TFB1M: variants seen among roughly 807,000 people sequenced by gnomAD.
TFB1M encodes dimethyladenosine transferase 1, mitochondrial.
A neutral mutation model predicts 31.1 loss-of-function variants in TFB1M; 27 were observed. That is an observed-to-expected ratio of 0.87 (90% CI 0.64 to 1.20). The LOEUF is 1.20. TFB1M is among the 50% of genes most tolerant of loss of function. The probability of loss-of-function intolerance (pLI) is 0.00; values close to 1 mark genes in which losing one functional copy is unlikely to be tolerated. For missense variants in TFB1M, 394 were observed against 418.7 expected (o/e 0.94, Z 0.51); for synonymous variants, 166 against 151.8 (o/e 1.09, Z -0.69).
the TFB1M span, among the ~76,000 whole-genome samples, chr6:155,245,402 G>T: frequency 1.1e-4 from 17 of 152,208 alleles, no homozygotes; most frequent in South Asian, 6.2e-4. Flanking sequence ...ATTGCACACT[G>T]TCAGTAGGCT....
chr6:155,252,752 T>C (rs2115358014), downstream of TFB1M, among the ~76,000 whole-genome samples: 1 of 152,374 alleles, frequency 6.6e-6, no homozygotes, highest in Non-Finnish European at 1.5e-5. Flanking sequence ...ACCACAACTC[T>C]GCCTCCGCAC....
At position 155,305,202 on chromosome 6, in the gene TFB1M, A is replaced by G. The variant is rs1448411818; in HGVS notation, c.285+5986T>C. Among the ~76,000 whole-genome samples the G allele has an allele frequency of 2.9e-5, 2 of 69,474 alleles. 1 individual carries two copies. The highest frequency in any genetic ancestry group is 1.3e-4 in the African/African-American group (2 of 15,650). The allele number at this position is 69,474 out of a possible 152,430, so 45.6% of individuals were successfully genotyped here. A position where few individuals can be genotyped will look rare whatever the true frequency, so the allele number is the denominator to read the frequency against. Reference sequence around the variant, plus strand: ...TATATATTAAATTATATATTTATATATATATTAAATTATATATTTATATAT... The same window carrying G: ...TATATATTAAATTATATATTTATATGTATATTAAATTATATATTTATATAT... On this transcript the variant is annotated intron_variant, in intron 2 of 6. Transcript: ENST00000367166.
chr6:155,232,486 A>G, the TFB1M span: 3 of 152,372 alleles, frequency 2.0e-5, no homozygotes, highest in East Asian at 5.8e-4. Context: ...CTTAAGGATA[A>G]CTGACCGTTT....
At chr6:155,273,437 T>C (rs1394732211) in intron 5 of TFB1M, among the ~76,000 whole-genome samples, 4 of 152,244 alleles carry the variant, frequency 2.6e-5, no homozygotes, top group Non-Finnish European at 5.9e-5. Flanking sequence ...GTTTATACTT[T>C]AAATATAGGC....
the TFB1M span, chr6:155,245,703 T>C: frequency 3.1e-5 from 50 of 1,611,864 alleles, 1 homozygote; most frequent in South Asian, 5.4e-4. Flanking sequence ...GTGCTAACCA[T>C]ATCAAAGTAC....
At chr6:155,232,238 T>C in the TFB1M span, among the ~76,000 whole-genome samples, 1 of 151,974 alleles carries the variant, frequency 6.6e-6, no homozygotes, top group East Asian at 1.9e-4. Flanking sequence ...CAGAGTGAGT[T>C]GAGAAAAAGT....
chr6:155,256,654 G>T lies in TFB1M; in HGVS notation c.*1182C>A. 6.2e-7 allele frequency: 1 copy of T among 1,614,106 alleles called. No homozygotes were observed. Among genetic ancestry groups the T allele is most frequent in the Non-Finnish European group, 8.5e-7 (1 of 1,180,020 alleles). ...GCAGGACTCCAAGAGCACTTCTCCC[G>T]GGAAATACCCACACCCCGGCTTGGC... On this transcript the variant is annotated 3_prime_UTR_variant, in exon 7 of 7. Coordinates refer to ENST00000367166, the MANE Select transcript of TFB1M (RefSeq NM_016020.4).
In TFB1M at chr6:155,257,273, G is replaced by GTTATT; in HGVS notation, c.*558_*562dup. 1 of 879,394 alleles carries GTTATT rather than the reference G, an allele frequency of 1.1e-6. No individual in the cohort carries two copies. The highest frequency in any genetic ancestry group is 1.8e-5 in the South Asian group (1 of 54,570). 54.5% of individuals were successfully genotyped at this position (879,394 alleles called of 1,614,324 possible). On this transcript the variant is annotated 3_prime_UTR_variant, in exon 7 of 7. Transcript: ENST00000367166. Reference sequence around the variant, plus strand: ...CCACAAAATGGTTGTAAAGATTTAAGTTATTTTAATTTATTGTGGATCAGA... The same window carrying GTTATT: ...CCACAAAATGGTTGTAAAGATTTAAGTTATTTTATTTTAATTTATTGTGGATCAGA...
At chr6:155,313,886 T>C (rs1370913266) in intron 1 of TFB1M, among the ~76,000 whole-genome samples, 1 of 152,164 alleles carries the variant, frequency 6.6e-6, no homozygotes, top group Non-Finnish European at 1.5e-5. Flanking sequence ...ATTGATAAAA[T>C]CCTCGCATCA....
chr6:155,303,647 A>T (rs371174823), intron 2 of TFB1M: 2 of 152,244 alleles, frequency 1.3e-5, no homozygotes, highest in East Asian at 3.8e-4. Context: ...ATTGTTAGAG[A>T]TTAAAGAATT....
At chr6:155,311,036 C>T in intron 2 of TFB1M, 152 bp downstream of exon 2, 1 of 823,866 alleles carries the variant, frequency 1.2e-6, no homozygotes, top group South Asian at 1.5e-5. Flanking sequence ...TTTCTCCAGA[C>T]TATGGAATCA....
intron 5 of TFB1M, among the ~76,000 whole-genome samples, chr6:155,268,598 C>T (rs1231885453): frequency 1.3e-5 from 2 of 152,164 alleles, no homozygotes; most frequent in East Asian, 1.9e-4. Context: ...CTAAGGGAAG[C>T]TAAAGTAATT....
chr6:155,314,153 A>G, intron 1 of TFB1M, 143 bp downstream of exon 1: 1 of 1,210,808 alleles, frequency 8.3e-7, no homozygotes, highest in Non-Finnish European at 1.2e-6. Context: ...CGGAGTTCTG[A>G]TACAAAGAGG....
In TFB1M at chr6:155,305,554, T is replaced by TA. The variant is rs1447363205; in HGVS notation, c.285+5633dup. Among the ~76,000 whole-genome samples, 2 of 61,722 alleles carry TA rather than the reference T, an allele frequency of 3.2e-5. 1 individual carries two copies. The highest frequency in any genetic ancestry group is 5.2e-5 in the Non-Finnish European group (2 of 38,610). The allele number at this position is 61,722 out of a possible 152,430, so 40.5% of individuals were successfully genotyped here. A position where few individuals can be genotyped will look rare whatever the true frequency, so the allele number is the denominator to read the frequency against. On this transcript the variant is annotated intron_variant, in intron 2 of 6. Transcript: ENST00000367166. ...TTATATATTTATATATATAAATATATATTAAATTATATATTTATATATATA... is the reference window on the plus strand; with the variant it reads ...TTATATATTTATATATATAAATATATAATTAAATTATATATTTATATATATA...
intron 5 of TFB1M, among the ~76,000 whole-genome samples, chr6:155,261,194 C>T (rs1450449431): frequency 6.6e-6 from 1 of 152,194 alleles, no homozygotes; most frequent in Non-Finnish European, 1.5e-5. Context: ...GGATTCAAAA[C>T]AGTAACTACA....
At chr6:155,259,893 A>G (rs185630549) in intron 6 of TFB1M, among the ~76,000 whole-genome samples, 9 of 152,362 alleles carry the variant, frequency 5.9e-5, no homozygotes, top group Admixed American at 2.6e-4. Context: ...CTCAGAAGTC[A>G]TATTTGCTTC....
chr6:155,303,915 G>C (rs1255803577), intron 2 of TFB1M, among the ~76,000 whole-genome samples: 2 of 152,166 alleles, frequency 1.3e-5, no homozygotes, highest in Non-Finnish European at 2.9e-5. Context: ...AGGTCACAAA[G>C]CTAGTAGGTG....
At chr6:155,230,848 T>C in the TFB1M span, among the ~76,000 whole-genome samples, 1 of 151,828 alleles carries the variant, frequency 6.6e-6, no homozygotes, top group African/African-American at 2.4e-5. Flanking sequence ...TTTTTTTTTT[T>C]TTTGAGATGG....
In TFB1M at chr6:155,306,197, T is replaced by C. The variant is rs1030698915; in HGVS notation, c.285+4991A>G. Reference sequence around the variant, plus strand: ...TGGCTAAAATTAAAAAGACTGACCATACCAAGTCTGAGCAAGCATGTGGAG... The same window carrying C: ...TGGCTAAAATTAAAAAGACTGACCACACCAAGTCTGAGCAAGCATGTGGAG... On this transcript the variant is annotated intron_variant, in intron 2 of 6. Transcript: ENST00000367166. Among the ~76,000 whole-genome samples, 6 of 152,236 alleles carry C rather than the reference T, an allele frequency of 3.9e-5. No homozygotes were observed. The East Asian group carries it at 9.6e-4, about 24-fold the overall frequency.
Sources: allele counts gnomAD v4.1 joint callset (sites outside exome capture counted in the v4.1 genomes callset), GRCh38; gene constraint gnomAD v4.1.1; transcripts MANE v1.5; gene names NCBI Gene and HGNC (gene_info 2026-07-23, HGNC 2026-07-21).